TC2N: variants seen among roughly 807,000 people sequenced by gnomAD.
The protein encoded by TC2N is tandem C2 domains nuclear protein.
Under a neutral mutation model 61.9 loss-of-function variants are expected in TC2N, and 51 were observed. The ratio of observed to expected loss-of-function variants is 0.82; its 90% CI spans 0.66 to 1.04. The LOEUF (loss-of-function observed/expected upper bound fraction) is 1.04. TC2N is among the 50% of genes least tolerant of loss of function. The pLI, the probability that TC2N is intolerant of heterozygous loss-of-function variation, is 0.00. For missense variants in TC2N, 556 were observed against 566.7 expected (o/e 0.98, Z 0.19); for synonymous variants, 204 against 192.6 (o/e 1.06, Z -0.49).
In TC2N at chr14:91,809,344, G is replaced by T. The variant is rs1886662860; in HGVS notation, c.301+2968C>A. On this transcript the variant is annotated intron_variant, in intron 3 of 11. Coordinates refer to ENST00000435962, the MANE Select transcript of TC2N (RefSeq NM_001128596.3). ...AATTGTTTGAACACAGGAGATGGAG[G>T]CTGCAGTAAGCCAAAACCATGCCAC... is the stretch of plus-strand genomic sequence containing the variant. Among the ~76,000 whole-genome samples the T allele has an allele frequency of 2.0e-5, 3 of 152,214 alleles. No individual in the cohort carries two copies. In the South Asian group the frequency reaches 6.2e-4, roughly 32 times the overall value.
chr14:91,823,675 G>T (rs1326039867), intron 1 of TC2N, among the ~76,000 whole-genome samples: 1 of 151,750 alleles, frequency 6.6e-6, no homozygotes, highest in Non-Finnish European at 1.5e-5. Context: ...CTTTAGGTAG[G>T]GTATGGGTAG....
intron 9 of TC2N, among the ~76,000 whole-genome samples, chr14:91,790,148 G>A (rs758989907): frequency 6.6e-5 from 10 of 152,184 alleles, no homozygotes; most frequent in Admixed American, 1.3e-4. Flanking sequence ...TGAGGCAGCC[G>A]TAAGATAAAT....
At chr14:91,825,096 T>C (rs1448755764) in intron 1 of TC2N, among the ~76,000 whole-genome samples, 2 of 130,062 alleles carry the variant, frequency 1.5e-5, no homozygotes, top group African/African-American at 5.7e-5. Context: ...AGTGCAGTGG[T>C]GCGATCTTGG....
Position 91,826,213 on chromosome 14 carries a change from G to T in TC2N, c.-56-12388C>A, listed in dbSNP as rs138871108. Among the ~76,000 whole-genome samples, 269 of 151,818 alleles carry T rather than the reference G, an allele frequency of 1.8e-3. 9 individuals are homozygous for T. The East Asian group carries it at 0.047, about 26-fold the overall frequency. ...TGCATACCTGTAGTTCCAGTTACAC[G>T]GGAAGCTGAGGTGGGAGGATCACTT... On this transcript the variant is annotated intron_variant, in intron 1 of 11. Transcript: ENST00000435962.
chr14:91,784,523 T>A (rs1189494610), intron 11 of TC2N, among the ~76,000 whole-genome samples: 2 of 152,158 alleles, frequency 1.3e-5, no homozygotes, highest in Non-Finnish European at 2.9e-5. Flanking sequence ...GATTTTGGAA[T>A]TTAAATGTGG....
intron 1 of TC2N, among the ~76,000 whole-genome samples, chr14:91,818,801 T>G (rs1298631892): frequency 3.9e-5 from 6 of 152,172 alleles, no homozygotes; most frequent in African/African-American, 1.2e-4. Flanking sequence ...TTAATGAACT[T>G]GAAGGCATAG....
At chr14:91,822,899 T>A (rs1219581301) in intron 1 of TC2N, among the ~76,000 whole-genome samples, 1 of 151,618 alleles carries the variant, frequency 6.6e-6, no homozygotes, top group Non-Finnish European at 1.5e-5. Flanking sequence ...TATTTTTTAG[T>A]AGAGACGGGG....
intron 8 of TC2N, among the ~76,000 whole-genome samples, chr14:91,796,952 C>T (rs1331715789): frequency 4.2e-5 from 4 of 96,268 alleles, no homozygotes; most frequent in Non-Finnish European, 8.5e-5. Context: ...AACAAAACTT[C>T]CAAGAGTATT....
chr14:91,813,264 A>AT (rs1050905884), intron 2 of TC2N, among the ~76,000 whole-genome samples: 2 of 151,740 alleles, frequency 1.3e-5, no homozygotes, highest in Non-Finnish European at 3.0e-5. Flanking sequence ...TCATTCATTC[A>AT]TTCAAGGCAT....
At chr14:91,786,797 T>G (rs1412460325) in intron 10 of TC2N, among the ~76,000 whole-genome samples, 1 of 152,242 alleles carries the variant, frequency 6.6e-6, no homozygotes, top group Non-Finnish European at 1.5e-5. Context: ...AATGATTCTT[T>G]CAAAGAAGCA....
At chr14:91,858,225 T>C (rs967448464) in intron 1 of TC2N, among the ~76,000 whole-genome samples, 3 of 146,180 alleles carry the variant, frequency 2.1e-5, no homozygotes, top group Non-Finnish European at 4.5e-5. Flanking sequence ...ACCCCTGGCC[T>C]CAAGCAATTA....
At chr14:91,841,663 C>A (rs1205835689) in intron 1 of TC2N, among the ~76,000 whole-genome samples, 1 of 152,172 alleles carries the variant, frequency 6.6e-6, no homozygotes, top group African/African-American at 2.4e-5. Context: ...TTTTCCACAG[C>A]CCCCCTCCTG....
intron 1 of TC2N, among the ~76,000 whole-genome samples, chr14:91,861,392 A>G (rs1395034519): frequency 6.6e-6 from 1 of 152,238 alleles, no homozygotes; most frequent in African/African-American, 2.4e-5. Flanking sequence ...GAAAAGAGGA[A>G]TTTAAGGCAG....
chr14:91,822,282 A>G (rs1595255959), intron 1 of TC2N, among the ~76,000 whole-genome samples: 1 of 152,246 alleles, frequency 6.6e-6, no homozygotes, highest in African/African-American at 2.4e-5. Flanking sequence ...TTTAGAAAAC[A>G]AACTGTGGCT....
At chr14:91,816,235 A>G (rs1018195912) in intron 1 of TC2N, among the ~76,000 whole-genome samples, 1 of 151,766 alleles carries the variant, frequency 6.6e-6, no homozygotes, top group African/African-American at 2.4e-5. Flanking sequence ...TGCATTCCCA[A>G]TAGCAATATG....
chr14:91,814,182 T>G (rs535300311), intron 1 of TC2N, among the ~76,000 whole-genome samples: 12 of 145,210 alleles, frequency 8.3e-5, no homozygotes, highest in African/African-American at 3.0e-4. Context: ...AGGGACAGTG[T>G]GGAAAAAGAA....
chr14:91,852,132 T>C (rs1174424924), intron 1 of TC2N, among the ~76,000 whole-genome samples: 2 of 152,180 alleles, frequency 1.3e-5, no homozygotes, highest in East Asian at 1.9e-4. Context: ...CATACTCTAT[T>C]GGAATAAAAA....
intron 1 of TC2N, among the ~76,000 whole-genome samples, chr14:91,864,099 G>C (rs906922084): frequency 6.6e-6 from 1 of 152,150 alleles, no homozygotes; most frequent in African/African-American, 2.4e-5. Context: ...GGATCCATTT[G>C]GTGGGGGTCT....
chr14:91,826,502 T>C (rs1260576261), intron 1 of TC2N, among the ~76,000 whole-genome samples: 1 of 152,124 alleles, frequency 6.6e-6, no homozygotes, highest in East Asian at 1.9e-4. Flanking sequence ...ATTTATGAGG[T>C]ACATATAAAT....
Sources: gnomAD v4.1 joint callset for allele counts (sites outside exome capture counted in the v4.1 genomes callset) on GRCh38, gnomAD v4.1.1 for gene constraint, MANE v1.5 for transcripts, NCBI Gene and HGNC (gene_info 2026-07-23, HGNC 2026-07-21) for gene names.